PACC1: variants seen among roughly 807,000 people sequenced by gnomAD.
The protein encoded by PACC1 is proton activated chloride channel 1.
In PACC1, 34 loss-of-function variants were observed where a neutral mutation model predicts 39.7. That is an observed-to-expected ratio of 0.86 (90% CI 0.65 to 1.14). PACC1 has a LOEUF of 1.14. PACC1 is among the 50% of genes most tolerant of loss of function. PACC1 has a pLI of 0.00. For synonymous variants in PACC1, 127 were observed against 160.6 expected (o/e 0.79, Z 1.58); for missense variants, 379 against 436.4 (o/e 0.87, Z 1.17).
intron 2 of PACC1, among the ~76,000 whole-genome samples, chr1:212,400,004 C>G (rs1452807915): frequency 6.6e-6 from 1 of 152,070 alleles, no homozygotes; most frequent in Non-Finnish European, 1.5e-5. Flanking sequence ...GCCACCACAC[C>G]TGGCTAATTT....
chr1:212,385,369 C>T lies in PACC1; in HGVS notation c.400G>A (p.Val134Ile), dbSNP rs780741895. ...QLLSCKHHYE[V>I]IPPLTSPGQP... The stretch of plus-strand genomic sequence containing the variant: ...CCAGGGCTTGTCAGAGGAGGAATGA[C>T]CTCGTAATGGTGCTTACAGCTGAGC... The change falls in exon 4 of 8, where the codon GTC becomes ATC. Residue 134 changes from valine (V) to isoleucine (I), a missense_variant. Coordinates refer to ENST00000261455, the MANE Select transcript of PACC1 (RefSeq NM_018252.3). 2.5e-6 allele frequency: 4 copies of T among 1,614,040 alleles called. No individual in the cohort carries two copies. Among genetic ancestry groups the T allele is most frequent in the Non-Finnish European group, 3.4e-6 (4 of 1,180,006 alleles).
At chr1:212,377,760 G>A (rs1476733649) in intron 5 of PACC1, 54 bp from the exon 6 acceptor site, 1 of 1,597,730 alleles carries the variant, frequency 6.3e-7, no homozygotes, top group South Asian at 1.1e-5. Context: ...CTGGCAGCAG[G>A]AGTCGAAGCC....
At chr1:212,383,330 G>A (rs1311944850) in intron 4 of PACC1, among the ~76,000 whole-genome samples, 1 of 152,176 alleles carries the variant, frequency 6.6e-6, no homozygotes, top group African/African-American at 2.4e-5. Context: ...CTCCTCCTAA[G>A]CATACACTTC....
intron 1 of PACC1, among the ~76,000 whole-genome samples, chr1:212,413,461 G>A (rs1662208609): frequency 6.6e-6 from 1 of 152,226 alleles, no homozygotes; most frequent in African/African-American, 2.4e-5. Context: ...AGACAGAAAT[G>A]CAGACGGGTC....
chr1:212,377,734 CCAGGTCAATG>C, intron 5 of PACC1, 28 bp from the exon 6 acceptor site: 1 of 1,612,788 alleles, frequency 6.2e-7, no homozygotes, highest in Non-Finnish European at 8.5e-7. Flanking sequence ...GAAGGAAGAT[CCAGGTCAATG>C]CAGGTCTGGC....
chr1:212,400,924 A>G (rs900479734), intron 2 of PACC1, among the ~76,000 whole-genome samples: 5 of 152,158 alleles, frequency 3.3e-5, no homozygotes, highest in Non-Finnish European at 7.4e-5. Flanking sequence ...ATATCATGGA[A>G]CCTCTATTTA....
At chr1:212,411,652 C>A (rs957149472) in intron 1 of PACC1, among the ~76,000 whole-genome samples, 6 of 152,176 alleles carry the variant, frequency 3.9e-5, no homozygotes, top group Admixed American at 2.0e-4. Context: ...TTCCCAAGCA[C>A]TTTGTCAGGT....
At chr1:212,396,852 T>TATC (rs1553284100) in intron 2 of PACC1, among the ~76,000 whole-genome samples, 13 of 141,236 alleles carry the variant, frequency 9.2e-5, no homozygotes, top group East Asian at 8.5e-4. Context: ...ATCTATCTAT[T>TATC]ACATATAGAG....
chr1:212,414,809 C>T lies in PACC1; in HGVS notation c.-52G>A. The T allele has an allele frequency of 2.5e-6, 4 of 1,605,928 alleles. No individual in the cohort carries two copies. Among genetic ancestry groups the T allele is most frequent in the South Asian group, 1.1e-5 (1 of 90,852 alleles). On this transcript the variant is annotated 5_prime_UTR_variant, in exon 1 of 8. It adds an upstream start codon to the 5' untranslated region. Transcript: ENST00000261455. ...TGAGACCGCCCCAGCCCGCGGCGCA[C>T]GGACGCAGCACTGCGGCCGCTGCAC...
chr1:212,389,519 T>C (rs760158682), intron 2 of PACC1, among the ~76,000 whole-genome samples: 1 of 152,086 alleles, frequency 6.6e-6, no homozygotes, highest in Non-Finnish European at 1.5e-5. Context: ...CAGTGTTCAA[T>C]CAAAAATCAC....
intron 4 of PACC1, among the ~76,000 whole-genome samples, chr1:212,382,606 T>A (rs1194770701): frequency 6.6e-6 from 1 of 152,194 alleles, no homozygotes; most frequent in African/African-American, 2.4e-5. Context: ...CACTTTCACA[T>A]GAACTTGATT....
At position 212,368,618 on chromosome 1, in the gene PACC1, T is replaced by C. The variant is rs544413212; in HGVS notation, c.892-3242A>G. On this transcript the variant is annotated intron_variant, in intron 7 of 7. Transcript: ENST00000261455. ...AAATGCATCAGAGTGCCTCACAGAA[T>C]TGATCAAGCAGAAGAATTAGTGAGC... Among the ~76,000 whole-genome samples, 16 of 139,922 alleles carry C rather than the reference T, an allele frequency of 1.1e-4. No individual in the cohort carries two copies. The South Asian group carries it at 3.3e-3, about 29-fold the overall frequency. 91.8% of individuals were successfully genotyped at this position (139,922 alleles called of 152,430 possible).
chr1:212,367,310 C>A (rs1014793161), intron 7 of PACC1, among the ~76,000 whole-genome samples: 3 of 152,194 alleles, frequency 2.0e-5, no homozygotes, highest in Admixed American at 6.5e-5. Flanking sequence ...GCTGCCTACA[C>A]ACCCCTCCCC....
chr1:212,402,222 C>A (rs557123893), intron 2 of PACC1, among the ~76,000 whole-genome samples: 38 of 152,278 alleles, frequency 2.5e-4, no homozygotes, highest in African/African-American at 9.1e-4. Context: ...TGTAGTTAAC[C>A]TTTTGAGGAA....
chr1:212,396,699 C>CG, intron 2 of PACC1, among the ~76,000 whole-genome samples: 1 of 113,510 alleles, frequency 8.8e-6, no homozygotes, highest in Admixed American at 9.3e-5. Context: ...ACCAGGATAA[C>CG]TTAAAAAAAA....
chr1:212,387,537 T>G (rs1661148209), intron 2 of PACC1: 1 of 175,782 alleles, frequency 5.7e-6, no homozygotes, highest in Non-Finnish European at 1.2e-5. Context: ...TTCTCCCAGC[T>G]CTAGCTCCAC....
chr1:212,406,439 T>A lies in PACC1; in HGVS notation c.133+3986A>T, dbSNP rs148767304. On this transcript the variant is annotated intron_variant, in intron 2 of 7. Transcript: ENST00000261455. Reference sequence around the variant, plus strand: ...GCTGAGGCATGAGGACTGCTTGAACTCAGGAGGTGGTGGTTGCAGTGAGCC... The same window carrying A: ...GCTGAGGCATGAGGACTGCTTGAACACAGGAGGTGGTGGTTGCAGTGAGCC... Among the ~76,000 whole-genome samples the A allele has an allele frequency of 4.1e-4, 62 of 152,182 alleles. No homozygotes were observed. In the East Asian group the frequency reaches 0.011, roughly 28 times the overall value.
intron 2 of PACC1, among the ~76,000 whole-genome samples, chr1:212,398,309 A>G (rs1018444805): frequency 6.6e-6 from 1 of 152,260 alleles, no homozygotes; most frequent in Non-Finnish European, 1.5e-5. Context: ...TGTTTGTCGA[A>G]TGAATAAATA....
chr1:212,380,082 C>T, intron 4 of PACC1, 45 bp from the exon 5 acceptor site: 2 of 1,600,708 alleles, frequency 1.2e-6, no homozygotes, highest in African/African-American at 2.7e-5. Flanking sequence ...GGAGAGTACA[C>T]AGAGGCCTCT....
Sources: gnomAD v4.1 joint callset for allele counts (sites outside exome capture counted in the v4.1 genomes callset) on GRCh38, gnomAD v4.1.1 for gene constraint, MANE v1.5 for transcripts, NCBI Gene and HGNC (gene_info 2026-07-23, HGNC 2026-07-21) for gene names.